Variants in ABCC12 observed in about 807,000 individuals in gnomAD.
ABCC12 encodes the protein ATP binding cassette subfamily C member 12.
Under a neutral mutation model 151.1 loss-of-function variants are expected in ABCC12, and 142 were observed. That is an observed-to-expected ratio of 0.94 (90% CI 0.82 to 1.08). The LOEUF (loss-of-function observed/expected upper bound fraction) is 1.08. Among genes scored for constraint, ABCC12 ranks in the 50% least tolerant of loss-of-function variants. ABCC12 has a pLI of 0.00. For missense variants in ABCC12, 1,638 were observed against 1,691.1 expected, an observed-to-expected ratio of 0.97 and a Z score of 0.55; for synonymous variants, 645 against 646.4, an observed-to-expected ratio of 1.00 and a Z score of 0.03.
intron 4 of ABCC12, among the ~76,000 whole-genome samples, chr16:48,142,329 G>A (rs1252344323): frequency 1.3e-5 from 2 of 152,210 alleles, no homozygotes; most frequent in African/African-American, 4.8e-5. Flanking sequence ...CCACGGACAT[G>A]TTATTGGGGG....
chr16:48,133,596 G>A, intron 9 of ABCC12, 91 bp downstream of exon 9: 1 of 1,448,778 alleles, frequency 6.9e-7, no homozygotes, highest in Non-Finnish European at 9.4e-7. Flanking sequence ...TGTTCCTAAT[G>A]CCAGTATTGA....
At chr16:48,135,001 G>C (rs1363680929) in intron 8 of ABCC12, among the ~76,000 whole-genome samples, 1 of 149,506 alleles carries the variant, frequency 6.7e-6, no homozygotes. Context: ...GCAGTGAGTC[G>C]AGATTGCACC....
intron 11 of ABCC12, among the ~76,000 whole-genome samples, chr16:48,126,985 A>C (rs916175379): frequency 6.6e-6 from 1 of 152,136 alleles, no homozygotes; most frequent in East Asian, 1.9e-4. Context: ...GGCGGGGGGA[A>C]GTCAGGTGCT....
intron 2 of ABCC12, among the ~76,000 whole-genome samples, chr16:48,150,298 C>G (rs956769219): frequency 1.3e-5 from 2 of 152,018 alleles, no homozygotes; most frequent in African/African-American, 4.8e-5. Flanking sequence ...TTTTTGTGGC[C>G]CCTCTACAGG....
rs143718458 is a variant in ABCC12 at position 48,155,209 on chromosome 16, G to A, written c.-320+632C>T. On this transcript the variant is annotated intron_variant, in intron 1 of 30. Transcript: ENST00000311303. ...GGGAAGTGGGGGTGCTTTTGCTCAA[G>A]TACCCTCATCTCCCAGAAGGCCTAA... Among the ~76,000 whole-genome samples, 854 of 152,208 alleles carry A rather than the reference G, an allele frequency of 5.6e-3. 4 individuals carry two copies. Among genetic ancestry groups the A allele is most frequent in the Non-Finnish European group, 9.9e-3 (674 of 67,986 alleles).
At chr16:48,131,684 C>T (rs887734856) in intron 9 of ABCC12, among the ~76,000 whole-genome samples, 3 of 152,144 alleles carry the variant, frequency 2.0e-5, no homozygotes, top group Non-Finnish European at 4.4e-5. Context: ...AATTAGCAGC[C>T]GCTCCCTAGC....
intron 22 of ABCC12, among the ~76,000 whole-genome samples, chr16:48,101,474 G>A (rs1353450356): frequency 6.6e-6 from 1 of 152,066 alleles, no homozygotes; most frequent in East Asian, 1.9e-4. Flanking sequence ...CATTATAGCT[G>A]ACTTTAAAAC....
intron 27 of ABCC12, chr16:48,087,702 A>C (rs571940743): frequency 1.2e-5 from 6 of 487,408 alleles, no homozygotes; most frequent in Non-Finnish European, 2.2e-5. Context: ...CTCATTAATA[A>C]TGTGTTTATA....
intron 15 of ABCC12, among the ~76,000 whole-genome samples, chr16:48,112,530 G>C (rs897020199): frequency 8.5e-5 from 13 of 152,178 alleles, no homozygotes; most frequent in African/African-American, 3.1e-4. Context: ...AGGAGGTGGA[G>C]GTTGCAGTGA....
chr16:48,154,910 C>A (rs1374785049), intron 1 of ABCC12, among the ~76,000 whole-genome samples: 2 of 152,204 alleles, frequency 1.3e-5, no homozygotes, highest in Non-Finnish European at 2.9e-5. Flanking sequence ...TTAAAGCCAC[C>A]AAAGTTATCA....
At chr16:48,141,990 C>T (rs1964832134) in intron 4 of ABCC12, among the ~76,000 whole-genome samples, 1 of 152,132 alleles carries the variant, frequency 6.6e-6, no homozygotes, top group African/African-American at 2.4e-5. Flanking sequence ...AGATTGTCAG[C>T]CTCCAGGTGA....
Position 48,115,425 on chromosome 16 carries a change from T to C in ABCC12, c.1979A>G (p.His660Arg). 1 of 1,613,990 alleles carries C rather than the reference T, an allele frequency of 6.2e-7. No individual in the cohort carries two copies. Among genetic ancestry groups the C allele is most frequent in the Non-Finnish European group, 8.5e-7 (1 of 1,179,968 alleles). ...LRGKTVVLVT[H>R]QLQFLESCDE... ...TGCATGTCCCATCACCTGTAGCTGGTGGGTCACCAGGACGACTGTCTTTCC... is the reference window on the plus strand; with the variant it reads ...TGCATGTCCCATCACCTGTAGCTGGCGGGTCACCAGGACGACTGTCTTTCC... Residue 660 changes from histidine (H) to arginine (R), a missense_variant, in exon 15 of 31, where the codon CAC (histidine) becomes CGC (arginine). His to Arg is a conservative substitution (Grantham distance 29). Transcript: ENST00000311303.
chr16:48,114,073 T>TCAGAAGAAGAACTAGGC (rs1289322200), intron 15 of ABCC12, among the ~76,000 whole-genome samples: 1 of 152,040 alleles, frequency 6.6e-6, no homozygotes, highest in East Asian at 1.9e-4. Flanking sequence ...CCATCCTAAC[T>TCAGAAGAAGAACTAGGC]CAGAAGAAGA....
intron 28 of ABCC12, chr16:48,086,490 C>A (rs1462481367): frequency 4.8e-6 from 2 of 414,388 alleles, no homozygotes. Context: ...AGAGTACCAA[C>A]CTCAGAGCAT....
chr16:48,096,452 G>A (rs992914625), intron 24 of ABCC12, among the ~76,000 whole-genome samples: 26 of 152,192 alleles, frequency 1.7e-4, no homozygotes, highest in African/African-American at 5.1e-4. Context: ...CTGCCTCCGT[G>A]GCTGGGCCAG....
intron 2 of ABCC12, among the ~76,000 whole-genome samples, chr16:48,152,760 G>A (rs571136617): frequency 2.6e-5 from 4 of 152,286 alleles, no homozygotes; most frequent in South Asian, 2.1e-4. Context: ...CATACCCTGC[G>A]TCTAGTCTTG....
At chr16:48,100,677 T>C (rs904260715) in intron 23 of ABCC12, among the ~76,000 whole-genome samples, 195 bp downstream of exon 23, 1 of 152,216 alleles carries the variant, frequency 6.6e-6, no homozygotes, top group African/African-American at 2.4e-5. Flanking sequence ...GCTCCCCTCA[T>C]TCACATCTTC....
rs1165433902 is a variant in ABCC12 at position 48,143,903 on chromosome 16, C to T, written c.275+7G>A. The T allele has an allele frequency of 6.2e-7, 1 of 1,612,412 alleles. No homozygotes were observed. The highest frequency in any genetic ancestry group is 2.2e-5 in the East Asian group (1 of 44,796). ...ACTAATACAGTGACCCAAGCAAATC[C>T]TGGTACCTTTTGGCATTGGTGTCAG... On this transcript the variant is annotated splice_region_variant and intron_variant, in intron 4 of 30. Coordinates refer to ENST00000311303, the MANE Select transcript of ABCC12 (RefSeq NM_001393797.1).
At chr16:48,148,237 CAAAAAAAA>C (rs113758072) in intron 2 of ABCC12, among the ~76,000 whole-genome samples, 1 of 123,162 alleles carries the variant, frequency 8.1e-6, no homozygotes, top group African/African-American at 2.8e-5. Flanking sequence ...CGTGAGTCAC[CAAAAAAAA>C]AAAAAAAATT....
Sources: allele counts gnomAD v4.1 joint callset (sites outside exome capture counted in the v4.1 genomes callset), GRCh38; gene constraint gnomAD v4.1.1; transcripts MANE v1.5; gene names NCBI Gene and HGNC (gene_info 2026-07-23, HGNC 2026-07-21).